PPP1R12B: variants seen among roughly 807,000 people sequenced by gnomAD.
The protein encoded by PPP1R12B is myosin phosphatase target subunit 2.
In PPP1R12B, 76 loss-of-function variants were observed where a neutral mutation model predicts 126.1. The observed-to-expected ratio is 0.60, with a 90% CI of 0.50 to 0.73. PPP1R12B has a LOEUF of 0.73. Ranked by LOEUF, PPP1R12B falls within the 30% of genes least tolerant of loss-of-function variation. The pLI is 0.00. For synonymous variants in PPP1R12B, 356 were observed against 434.7 expected, an observed-to-expected ratio of 0.82 and a Z score of 2.25; for missense variants, 1,052 against 1,205.1, an observed-to-expected ratio of 0.87 and a Z score of 1.88.
At position 202,587,749 on chromosome 1, in the gene PPP1R12B, ACT is replaced by A. The variant is rs1205580984; in HGVS notation, c.*7193_*7194del. On this transcript the variant is annotated 3_prime_UTR_variant, in exon 24 of 24. Coordinates refer to ENST00000608999, the MANE Select transcript of PPP1R12B (RefSeq NM_002481.4). ...ACATGCAAGGGCCAGAAGTAGCTTG[ACT>A]CTCGCCTAAATATCTGTGCCTTTGC... The A allele has an allele frequency of 7.3e-5, 11 of 151,444 alleles. No homozygotes were observed. The highest frequency in any genetic ancestry group is 5.3e-4 in the Admixed American group (8 of 15,188). The allele number at this position is 151,444 out of a possible 1,614,324, so 9.4% of individuals were successfully genotyped here.
chr1:202,376,106 ATAATT>A (rs1347740638), intron 1 of PPP1R12B, among the ~76,000 whole-genome samples: 2 of 152,248 alleles, frequency 1.3e-5, no homozygotes, highest in South Asian at 2.1e-4. Context: ...GTTCCAGTTG[ATAATT>A]TAATAAGAAT....
At chr1:202,554,227 C>G (rs1686642619) in intron 18 of PPP1R12B, among the ~76,000 whole-genome samples, 1 of 152,074 alleles carries the variant, frequency 6.6e-6, no homozygotes, top group South Asian at 2.1e-4. Context: ...AAAACCAAAG[C>G]CATTTTATCA....
At chr1:202,564,830 C>T (rs1293623486) in intron 21 of PPP1R12B, among the ~76,000 whole-genome samples, 1 of 152,066 alleles carries the variant, frequency 6.6e-6, no homozygotes, top group Admixed American at 6.5e-5. Context: ...AAGCATAAAC[C>T]AGCACTACAA....
At chr1:202,525,275 G>C (rs1307651424) in intron 18 of PPP1R12B, among the ~76,000 whole-genome samples, 1 of 152,140 alleles carries the variant, frequency 6.6e-6, no homozygotes, top group East Asian at 1.9e-4. Context: ...AAATGCTGTG[G>C]AGTATTTAGA....
At chr1:202,427,798 C>A (rs1669733884) in intron 5 of PPP1R12B, among the ~76,000 whole-genome samples, 1 of 152,028 alleles carries the variant, frequency 6.6e-6, no homozygotes, top group African/African-American at 2.4e-5. Flanking sequence ...GCACACGCCG[C>A]CACGCCTGGC....
At chr1:202,539,746 G>A (rs1169009348) in intron 18 of PPP1R12B, 1 of 154,654 alleles carries the variant, frequency 6.5e-6, no homozygotes, top group Non-Finnish European at 1.4e-5. Flanking sequence ...TTTCCTCCGG[G>A]ATTTAATCTG....
intron 19 of PPP1R12B, among the ~76,000 whole-genome samples, chr1:202,561,882 A>C (rs1687571603): frequency 6.6e-6 from 1 of 152,168 alleles, no homozygotes; most frequent in African/African-American, 2.4e-5. Context: ...AGCTATGGCA[A>C]ATAGCTACCA....
At position 202,587,830 on chromosome 1, in the gene PPP1R12B, G is replaced by GATGA. The variant is rs1331713493; in HGVS notation, c.*7272_*7275dup. 1 of 152,224 alleles carries GATGA rather than the reference G, an allele frequency of 6.6e-6. No homozygotes were observed. The highest frequency in any genetic ancestry group is 1.9e-4 in the East Asian group (1 of 5,198). 9.4% of individuals were successfully genotyped at this position (152,224 alleles called of 1,614,324 possible). ...CGGAACAGATTCCCGCTTGCCTTCT[G>GATGA]ATGAAGAGAGGTTAGGTAAAGAGAG... On this transcript the variant is annotated 3_prime_UTR_variant, in exon 24 of 24. Transcript: ENST00000608999.
chr1:202,422,925 A>C (rs963375996), intron 3 of PPP1R12B, among the ~76,000 whole-genome samples, 187 bp downstream of exon 3: 5 of 152,222 alleles, frequency 3.3e-5, no homozygotes, highest in Admixed American at 2.6e-4. Flanking sequence ...AATAGGCCAG[A>C]TGTCAAAAGG....
intron 1 of PPP1R12B, among the ~76,000 whole-genome samples, chr1:202,391,321 GT>G (rs1486970809): frequency 1.3e-5 from 2 of 152,092 alleles, no homozygotes; most frequent in Non-Finnish European, 2.9e-5. Flanking sequence ...AATGAAAACC[GT>G]AATGAGATAC....
intron 23 of PPP1R12B, among the ~76,000 whole-genome samples, chr1:202,571,089 A>G (rs1250307343): frequency 1.3e-5 from 2 of 152,196 alleles, no homozygotes; most frequent in African/African-American, 2.4e-5. Context: ...GCCCACACAC[A>G]AAAACCCAGA....
chr1:202,549,719 A>G (rs1686116048), intron 18 of PPP1R12B, among the ~76,000 whole-genome samples: 1 of 152,094 alleles, frequency 6.6e-6, no homozygotes, highest in Admixed American at 6.5e-5. Flanking sequence ...TGCCCGGCCA[A>G]CTTTCTTGAA....
chr1:202,359,328 C>T (rs549743092), intron 1 of PPP1R12B, among the ~76,000 whole-genome samples: 15 of 152,048 alleles, frequency 9.9e-5, no homozygotes, highest in Admixed American at 9.8e-4. Context: ...CAGGATTTCA[C>T]ATGTTGGCCA....
rs1690014868 is a variant in PPP1R12B at position 202,589,189 on chromosome 1, T to C, written c.*8629T>C. 3 of 152,210 alleles carry C rather than the reference T, an allele frequency of 2.0e-5. No individual in the cohort carries two copies. Among genetic ancestry groups the C allele is most frequent in the Admixed American group, 2.0e-4 (3 of 15,292 alleles). The allele number at this position is 152,210 out of a possible 1,614,324, so 9.4% of individuals were successfully genotyped here. The stretch of plus-strand genomic sequence containing the variant: ...TTGAAGGTTAAATCTAAACTCAAAA[T>C]GAAGGAGCCATGCCCAGAGAAGAGC... On this transcript the variant is annotated 3_prime_UTR_variant, in exon 24 of 24. Coordinates refer to ENST00000608999, the MANE Select transcript of PPP1R12B (RefSeq NM_002481.4).
chr1:202,555,686 AAG>A (rs1306024405), intron 18 of PPP1R12B, among the ~76,000 whole-genome samples: 2 of 152,092 alleles, frequency 1.3e-5, no homozygotes, highest in Non-Finnish European at 2.9e-5. Flanking sequence ...CATCTTTGGA[AAG>A]AGTGTCAAGA....
At chr1:202,380,621 G>A (rs1662095887) in intron 1 of PPP1R12B, among the ~76,000 whole-genome samples, 1 of 152,094 alleles carries the variant, frequency 6.6e-6, no homozygotes, top group African/African-American at 2.4e-5. Context: ...CCTTGGCTCT[G>A]TCTTCTCAGT....
chr1:202,559,167 A>T (rs1687271234), intron 19 of PPP1R12B, among the ~76,000 whole-genome samples: 1 of 152,190 alleles, frequency 6.6e-6, no homozygotes, highest in Non-Finnish European at 1.5e-5. Context: ...GCACCAGCGT[A>T]CCAGGCACCA....
At chr1:202,530,246 G>T (rs932973017) in intron 18 of PPP1R12B, among the ~76,000 whole-genome samples, 1 of 152,004 alleles carries the variant, frequency 6.6e-6, no homozygotes, top group African/African-American at 2.4e-5. Context: ...CCTGGCATTT[G>T]AAATGCCAGT....
intron 18 of PPP1R12B, among the ~76,000 whole-genome samples, chr1:202,535,689 T>C (rs1003835173): frequency 1.1e-4 from 17 of 152,188 alleles, no homozygotes; most frequent in African/African-American, 4.1e-4. Flanking sequence ...CAACATCCTA[T>C]CCTGCTTATC....
Sources: gnomAD v4.1 joint callset for allele counts (sites outside exome capture counted in the v4.1 genomes callset) on GRCh38, gnomAD v4.1.1 for gene constraint, MANE v1.5 for transcripts, NCBI Gene and HGNC (gene_info 2026-07-23, HGNC 2026-07-21) for gene names.